Variants in UBL3 observed in about 807,000 individuals in gnomAD.
The protein encoded by UBL3 is ubiquitin-like protein 3.
Under a neutral mutation model 18.4 loss-of-function variants are expected in UBL3, and 6 were observed. The observed-to-expected ratio is 0.33, with a 90% CI of 0.18 to 0.64. The LOEUF is 0.64. Ranked by LOEUF, UBL3 falls within the 30% of genes least tolerant of loss-of-function variation. The pLI is 0.76. For missense variants in UBL3, 109 were observed against 142.9 expected (o/e 0.76, Z 1.21); for synonymous variants, 49 against 46.6 (o/e 1.05, Z -0.21).
At chr13:29,804,413 G>A (rs1406728040) in intron 1 of UBL3, among the ~76,000 whole-genome samples, 1 of 151,980 alleles carries the variant, frequency 6.6e-6, no homozygotes, top group African/African-American at 2.4e-5. Flanking sequence ...ACACCTAGAA[G>A]AATTAGAGAA....
At position 29,777,187 on chromosome 13, in the gene UBL3, A is replaced by G; in HGVS notation, c.104T>C (p.Ile35Thr). The G allele has an allele frequency of 6.2e-7, 1 of 1,608,174 alleles. No homozygotes were observed. The highest frequency in any genetic ancestry group is 8.5e-7 in the Non-Finnish European group (1 of 1,177,064). The change falls in exon 2 of 5, where the codon ATT becomes ACT. Residue 35 changes from isoleucine (I) to threonine (T), a missense_variant. Transcript: ENST00000380680. ...LFSPNDSASD[I>T]AKHVYDNWPM... is the part of the protein sequence containing the mutation. ...CCAATTGTCATATACATGCTTTGCA[A>G]TGTCAGAAGCAGAATCGTTAGGAGA... is the stretch of plus-strand genomic sequence containing the variant.
rs1593648618 is a variant in UBL3 at position 29,772,102 on chromosome 13, T to G, written c.223+10A>C. ...CAGACATTAAATCCCATTACAAAGG[T>G]GGCTGTTACCTCCTAATGTGACATT... On this transcript the variant is annotated intron_variant, in intron 3 of 4. Transcript: ENST00000380680. 2 of 1,605,870 alleles carry G rather than the reference T, an allele frequency of 1.2e-6. No individual in the cohort carries two copies. The highest frequency in any genetic ancestry group is 1.7e-6 in the Non-Finnish European group (2 of 1,173,922).
chr13:29,772,428 T>C (rs1876867878), intron 2 of UBL3, among the ~76,000 whole-genome samples: 1 of 152,082 alleles, frequency 6.6e-6, no homozygotes. Flanking sequence ...TCTTAAAGAA[T>C]ACTAAAATGT....
At chr13:29,771,271 C>G (rs1432472218) in intron 3 of UBL3, among the ~76,000 whole-genome samples, 2 of 151,974 alleles carry the variant, frequency 1.3e-5, no homozygotes, top group African/African-American at 2.4e-5. Context: ...ATTTCATTTG[C>G]CTATACGTTT....
At chr13:29,839,931 GAA>G (rs35669312) in intron 1 of UBL3, among the ~76,000 whole-genome samples, 13 of 120,492 alleles carry the variant, frequency 1.1e-4, no homozygotes, top group Admixed American at 1.7e-4. Flanking sequence ...CGTCTCGGGG[GAA>G]AAAAAAAAAA....
chr13:29,784,703 CAGGA>C (rs926844418), intron 1 of UBL3, among the ~76,000 whole-genome samples: 1 of 152,046 alleles, frequency 6.6e-6, no homozygotes, highest in South Asian at 2.1e-4. Context: ...GAAGGGGAGA[CAGGA>C]AGGGTTACTT....
At chr13:29,785,905 A>C (rs1877302194) in intron 1 of UBL3, among the ~76,000 whole-genome samples, 1 of 152,200 alleles carries the variant, frequency 6.6e-6, no homozygotes, top group African/African-American at 2.4e-5. Flanking sequence ...ACGAATTTTA[A>C]AAATAATAAA....
rs74044754 is a variant in UBL3 at position 29,814,465 on chromosome 13, A to T, written c.27+35047T>A. Among the ~76,000 whole-genome samples, 350 of 152,112 alleles carry T rather than the reference A, an allele frequency of 2.3e-3. 3 individuals carry two copies. Among genetic ancestry groups the T allele is most frequent in the African/African-American group, 8.3e-3 (345 of 41,566 alleles). ...GATATATAACAACTATATAATAAAA[A>T]ATAATAAAAATTTTATTTGGGATGC... On this transcript the variant is annotated intron_variant, in intron 1 of 4. Transcript: ENST00000380680.
intron 1 of UBL3, among the ~76,000 whole-genome samples, chr13:29,807,371 T>C (rs887766784): frequency 6.6e-6 from 1 of 152,162 alleles, no homozygotes; most frequent in Non-Finnish European, 1.5e-5. Flanking sequence ...CACAAACTGG[T>C]GAGCTGCATA....
Position 29,849,695 on chromosome 13 carries a change from C to A in UBL3, c.-157G>T. On this transcript the variant is annotated 5_prime_UTR_variant, in exon 1 of 5. Transcript: ENST00000380680. ...GTTATTTTGGAGCCAAAGTGCCGGT[C>A]AGGCCGAGGTTCTGGTTCGAAGAGG... 1 of 952,796 alleles carries A rather than the reference C, an allele frequency of 1.0e-6. No homozygotes were observed. The highest frequency in any genetic ancestry group is 1.5e-5 in the South Asian group (1 of 66,332). The allele number at this position is 952,796 out of a possible 1,614,324, so 59.0% of individuals were successfully genotyped here. A position where few individuals can be genotyped will look rare whatever the true frequency, so the allele number is the denominator to read the frequency against.
chr13:29,848,862 T>C (rs1307653053), intron 1 of UBL3, among the ~76,000 whole-genome samples: 2 of 152,242 alleles, frequency 1.3e-5, no homozygotes, highest in Non-Finnish European at 2.9e-5. Context: ...GCTTTATGTC[T>C]AATATGGAAT....
At chr13:29,832,336 T>C (rs1593673882) in intron 1 of UBL3, among the ~76,000 whole-genome samples, 2 of 144,974 alleles carry the variant, frequency 1.4e-5, no homozygotes, top group South Asian at 4.2e-4. Flanking sequence ...CTAATTTCTT[T>C]TTTTTTTTTT....
intron 2 of UBL3, among the ~76,000 whole-genome samples, chr13:29,776,257 C>T (rs1001316402): frequency 1.9e-3 from 179 of 96,636 alleles, no homozygotes; most frequent in Admixed American, 2.4e-3. Context: ...TTTTTCTTTT[C>T]TTTCTTTTTT....
At chr13:29,828,556 T>G (rs2139356432) in intron 1 of UBL3, among the ~76,000 whole-genome samples, 1 of 152,266 alleles carries the variant, frequency 6.6e-6, no homozygotes, top group Non-Finnish European at 1.5e-5. Flanking sequence ...TCTACACTGG[T>G]TATTCTAGTT....
At chr13:29,830,265 T>C (rs1338137995) in intron 1 of UBL3, among the ~76,000 whole-genome samples, 3 of 152,230 alleles carry the variant, frequency 2.0e-5, no homozygotes, top group Non-Finnish European at 4.4e-5. Flanking sequence ...AAATGACTCA[T>C]GTGTTGCCAT....
chr13:29,848,224 A>C (rs1366004584), intron 1 of UBL3, among the ~76,000 whole-genome samples: 2 of 145,210 alleles, frequency 1.4e-5, no homozygotes, highest in African/African-American at 5.2e-5. Context: ...TGGGTGGATC[A>C]TCTGAGGTCA....
chr13:29,781,828 TAAAA>T (rs11357100), intron 1 of UBL3, among the ~76,000 whole-genome samples: 3 of 82,722 alleles, frequency 3.6e-5, no homozygotes, highest in Non-Finnish European at 6.8e-5. Flanking sequence ...TACAAAAAAT[TAAAA>T]AAAAAAAAAA....
intron 3 of UBL3, among the ~76,000 whole-genome samples, chr13:29,770,214 G>C (rs960381614): frequency 1.3e-5 from 2 of 151,920 alleles, no homozygotes; most frequent in African/African-American, 4.8e-5. Context: ...AAGAACACAG[G>C]GAGGCTAAAA....
chr13:29,827,082 G>C (rs1878642860), intron 1 of UBL3, among the ~76,000 whole-genome samples: 1 of 152,174 alleles, frequency 6.6e-6, no homozygotes, highest in African/African-American at 2.4e-5. Context: ...TTTTACATTT[G>C]CTGAGGAGTG....
Sources: gnomAD v4.1 joint callset for allele counts (sites outside exome capture counted in the v4.1 genomes callset) on GRCh38, gnomAD v4.1.1 for gene constraint, MANE v1.5 for transcripts, NCBI Gene and HGNC (gene_info 2026-07-23, HGNC 2026-07-21) for gene names.